Variants in TRAF2 observed in about 807,000 individuals in gnomAD.
TRAF2 encodes TNF receptor associated factor 2, also known as TNF receptor-associated factor 2.
TRAF2 carries 6 observed loss-of-function variants against 55.6 expected under a neutral mutation model. The ratio of observed to expected loss-of-function variants is 0.11; its 90% CI spans 0.06 to 0.21. TRAF2 has a LOEUF of 0.21. TRAF2 is among the 10% of genes least tolerant of loss of function. TRAF2 has a pLI of 1.00. For missense variants in TRAF2, 561 were observed against 684.5 expected (o/e 0.82, Z 2.01); for synonymous variants, 329 against 276.3 (o/e 1.19, Z -1.89).
At chr9:136,900,744 C>T (rs904975404) in intron 4 of TRAF2, 3 of 555,326 alleles carry the variant, frequency 5.4e-6, no homozygotes, top group African/African-American at 3.8e-5. Flanking sequence ...GGCTGTGTGA[C>T]CTCGGGCGAG....
At position 136,916,459 on chromosome 9, in the gene TRAF2, TGTCA is replaced by T. The variant is rs143723449; in HGVS notation, c.604-75_604-72del. ...AACGGGGCAGGTCATGTAACCTCTG[TGTCA>T]GTCAGTGTGGTCCATGTGGAAGTGC... On this transcript the variant is annotated intron_variant, in intron 6 of 10. Transcript: ENST00000247668. 1,542 of 1,411,540 alleles carry T rather than the reference TGTCA, an allele frequency of 1.1e-3. 10 individuals carry two copies. The African/African-American group carries it at 0.016, about 15-fold the overall frequency. 87.4% of individuals were successfully genotyped at this position (1,411,540 alleles called of 1,614,324 possible). A position where few individuals can be genotyped will look rare whatever the true frequency, so the allele number is the denominator to read the frequency against.
At chr9:136,891,458 G>A (rs1261813179) in intron 1 of TRAF2, among the ~76,000 whole-genome samples, 1 of 151,374 alleles carries the variant, frequency 6.6e-6, no homozygotes, top group Non-Finnish European at 1.5e-5. Flanking sequence ...TCCCCAGGCT[G>A]GTCTTGAACT....
At chr9:136,921,418 CGGGGTAGGGGGG>C (rs1230597066) in intron 9 of TRAF2, among the ~76,000 whole-genome samples, 1 of 151,990 alleles carries the variant, frequency 6.6e-6, no homozygotes, top group Non-Finnish European at 1.5e-5. Flanking sequence ...GGGCAGGGGT[CGGGGTAGGGGGG>C]TTGGGCCGGC....
chr9:136,882,290 G>A (rs1461371150), upstream of TRAF2, among the ~76,000 whole-genome samples: 1 of 152,222 alleles, frequency 6.6e-6, no homozygotes, highest in East Asian at 1.9e-4. Context: ...CATCCACAGA[G>A]CCCTGCTGGG....
At chr9:136,882,442 G>A (rs992352201), upstream of TRAF2, among the ~76,000 whole-genome samples, 17 of 152,194 alleles carry the variant, frequency 1.1e-4, no homozygotes, top group South Asian at 2.1e-4. Context: ...TGGTCATGCC[G>A]CCCCTCCAGG....
At chr9:136,922,642 GGTGGAGGA>G (rs1850416089) in intron 9 of TRAF2, 1 of 148,640 alleles carries the variant, frequency 6.7e-6, no homozygotes, top group African/African-American at 2.6e-5. Context: ...CTGGGGGCAC[GGTGGAGGA>G]CGAGGATGGG....
intron 1 of TRAF2, among the ~76,000 whole-genome samples, chr9:136,893,130 ACATCCACAT>A (rs1300299301): frequency 6.6e-6 from 1 of 152,158 alleles, no homozygotes; most frequent in East Asian, 1.9e-4. Flanking sequence ...GAGCTCCGGA[ACATCCACAT>A]AGCTCTGCCG....
chr9:136,899,584 T>C lies in TRAF2; in HGVS notation c.189-10T>C, dbSNP rs763604534. 3.7e-6 allele frequency: 6 copies of C among 1,601,754 alleles called. No individual in the cohort carries two copies. The highest frequency in any genetic ancestry group is 1.3e-5 in the African/African-American group (1 of 74,578). ...ACAGTGGGTTGTTTTTTGCCTTTTT[T>C]CCCCACTAGCTCTGGGCCTCAGAAC... On this transcript the variant is annotated splice_polypyrimidine_tract_variant and intron_variant, in intron 2 of 10. Transcript: ENST00000247668.
chr9:136,900,800 G>T (rs377335341), intron 4 of TRAF2: 3 of 387,840 alleles, frequency 7.7e-6, no homozygotes, highest in Middle Eastern at 6.8e-4. Flanking sequence ...GTCGATGGGG[G>T]TGCAGGATCC....
intron 7 of TRAF2, among the ~76,000 whole-genome samples, chr9:136,918,282 ATTTT>A (rs1850295992): frequency 7.5e-6 from 1 of 134,072 alleles, no homozygotes; most frequent in Non-Finnish European, 1.6e-5. Flanking sequence ...TAATTTATTT[ATTTT>A]TGAGGTTGAG....
At chr9:136,896,169 T>A (rs528371061) in intron 1 of TRAF2, among the ~76,000 whole-genome samples, 1 of 152,202 alleles carries the variant, frequency 6.6e-6, no homozygotes, top group Admixed American at 6.5e-5. Flanking sequence ...GCCAGAGAGA[T>A]GACCCCAATT....
chr9:136,887,277 A>G (rs1206095547), intron 1 of TRAF2, among the ~76,000 whole-genome samples: 1 of 152,138 alleles, frequency 6.6e-6, no homozygotes, highest in Non-Finnish European at 1.5e-5. Flanking sequence ...GAAAAAGAGG[A>G]GTTGCAATGT....
At chr9:136,913,592 C>A (rs755366118) in intron 6 of TRAF2, among the ~76,000 whole-genome samples, 1 of 152,016 alleles carries the variant, frequency 6.6e-6, no homozygotes, top group Non-Finnish European at 1.5e-5. Context: ...CCACCGTGCC[C>A]GGCTACATAC....
chr9:136,924,098 T>C (rs1850463977), intron 10 of TRAF2, 98 bp downstream of exon 10: 1 of 1,448,636 alleles, frequency 6.9e-7, no homozygotes, highest in African/African-American at 1.4e-5. Flanking sequence ...CAAGGTGGCT[T>C]GGGCTCGCTG....
intron 6 of TRAF2, among the ~76,000 whole-genome samples, chr9:136,912,984 T>C (rs1368872290): frequency 1.3e-5 from 2 of 152,048 alleles, no homozygotes; most frequent in South Asian, 2.1e-4. Flanking sequence ...AATACAAAAA[T>C]TAGCCAGGTG....
At chr9:136,920,646 A>T in intron 8 of TRAF2, 131 bp downstream of exon 8, 2 of 1,269,922 alleles carry the variant, frequency 1.6e-6, no homozygotes, top group African/African-American at 1.5e-5. Context: ...TGCAAACCCC[A>T]GTCCAGTGTG....
At chr9:136,904,941 C>T (rs995356291) in intron 4 of TRAF2, among the ~76,000 whole-genome samples, 4 of 152,140 alleles carry the variant, frequency 2.6e-5, no homozygotes, top group Non-Finnish European at 4.4e-5. Flanking sequence ...GGGCCAGTGC[C>T]GCTGGAGGTC....
At chr9:136,898,140 G>C (rs949771369) in intron 1 of TRAF2, among the ~76,000 whole-genome samples, 7 of 151,852 alleles carry the variant, frequency 4.6e-5, no homozygotes, top group African/African-American at 1.5e-4. Flanking sequence ...GCTAAAGGGA[G>C]TGCACTAGCC....
intron 4 of TRAF2, among the ~76,000 whole-genome samples, chr9:136,905,262 C>T (rs553116902): frequency 6.6e-6 from 1 of 152,362 alleles, no homozygotes; most frequent in Non-Finnish European, 1.5e-5. Flanking sequence ...CATTGTCCTC[C>T]TCTCTCCGGG....
Sources: allele counts gnomAD v4.1 joint callset (sites outside exome capture counted in the v4.1 genomes callset), GRCh38; gene constraint gnomAD v4.1.1; transcripts MANE v1.5; gene names NCBI Gene and HGNC (gene_info 2026-07-23, HGNC 2026-07-21).